Variants in AKAP6 observed in about 807,000 individuals in gnomAD.
AKAP6 encodes the protein A-kinase anchoring protein 6.
AKAP6 carries 58 observed loss-of-function variants against 188.5 expected under a neutral mutation model. The observed-to-expected ratio is 0.31, with a 90% CI of 0.25 to 0.38. AKAP6 has a LOEUF of 0.38. Among genes scored for constraint, AKAP6 ranks in the 10% least tolerant of loss-of-function variants. The pLI is 1.00. For synonymous variants in AKAP6, 989 were observed against 998.6 expected (o/e 0.99, Z 0.18); for missense variants, 2,710 against 2,740.0 (o/e 0.99, Z 0.24).
At chr14:32,607,102 G>A (rs773091930) in intron 7 of AKAP6, among the ~76,000 whole-genome samples, 3 of 152,120 alleles carry the variant, frequency 2.0e-5, no homozygotes, top group Admixed American at 1.3e-4. Flanking sequence ...TAAAGGAGTC[G>A]ATCTGGGGAG....
chr14:32,459,586 A>G (rs1891255338), intron 2 of AKAP6, among the ~76,000 whole-genome samples: 2 of 151,816 alleles, frequency 1.3e-5, no homozygotes, highest in African/African-American at 4.8e-5. Context: ...AGGCATACAT[A>G]TAAGAAAAAA....
chr14:32,339,933 T>C (rs749966695), intron 1 of AKAP6, among the ~76,000 whole-genome samples: 1 of 151,918 alleles, frequency 6.6e-6, no homozygotes, highest in Non-Finnish European at 1.5e-5. Context: ...CTAAATGTCA[T>C]ACTTTTGAAC....
intron 2 of AKAP6, among the ~76,000 whole-genome samples, chr14:32,451,071 G>T (rs1299031121): frequency 6.6e-6 from 1 of 152,070 alleles, no homozygotes; most frequent in African/African-American, 2.4e-5. Flanking sequence ...ATTGGAATTT[G>T]GAAATACTTA....
At chr14:32,732,743 T>G (rs1295861491) in intron 10 of AKAP6, 143 bp downstream of exon 10, 2 of 955,718 alleles carry the variant, frequency 2.1e-6, no homozygotes, top group African/African-American at 3.3e-5. Flanking sequence ...TTCATGCTAT[T>G]ATGGGAAAGA....
At chr14:32,412,373 G>A (rs1016555840) in intron 1 of AKAP6, among the ~76,000 whole-genome samples, 12 of 152,108 alleles carry the variant, frequency 7.9e-5, no homozygotes, top group African/African-American at 2.2e-4. Flanking sequence ...CACAATCCTT[G>A]CTTTTAAGGA....
chr14:32,370,675 A>G (rs979480543), intron 1 of AKAP6, among the ~76,000 whole-genome samples: 1 of 152,246 alleles, frequency 6.6e-6, no homozygotes, highest in African/African-American at 2.4e-5. Flanking sequence ...ACTACACTGT[A>G]AACAATGGAG....
At chr14:32,639,437 A>AT (rs1371950247) in intron 7 of AKAP6, among the ~76,000 whole-genome samples, 1 of 152,142 alleles carries the variant, frequency 6.6e-6, no homozygotes, top group Non-Finnish European at 1.5e-5. Flanking sequence ...ATGTGTCTAT[A>AT]TAGCACAACA....
At chr14:32,440,302 G>A (rs1210981096) in intron 2 of AKAP6, among the ~76,000 whole-genome samples, 1 of 151,664 alleles carries the variant, frequency 6.6e-6, no homozygotes, top group African/African-American at 2.4e-5. Flanking sequence ...GACACAGGGT[G>A]GGGAACATCA....
At chr14:32,811,241 G>GAAAAAAAAAAAAAAAAAA (rs529886144) in intron 12 of AKAP6, among the ~76,000 whole-genome samples, 1,423 of 54,618 alleles carry the variant, frequency 0.026, 50 homozygotes, top group Non-Finnish European at 0.042. Context: ...TCCGTCTCAG[G>GAAAAAAAAAAAAAAAAAA]AAAAAAAAAA....
intron 11 of AKAP6, among the ~76,000 whole-genome samples, chr14:32,761,656 C>T (rs186570674): frequency 6.6e-6 from 1 of 152,260 alleles, no homozygotes; most frequent in Non-Finnish European, 1.5e-5. Flanking sequence ...GGGTCATCAT[C>T]CTAGCTCCTG....
At chr14:32,672,888 C>A (rs928423627) in intron 7 of AKAP6, among the ~76,000 whole-genome samples, 1 of 152,194 alleles carries the variant, frequency 6.6e-6, no homozygotes, top group Non-Finnish European at 1.5e-5. Context: ...AGGCGACTAT[C>A]TTGTCATGAC....
At chr14:32,441,873 C>T (rs1890587496) in intron 2 of AKAP6, among the ~76,000 whole-genome samples, 1 of 152,120 alleles carries the variant, frequency 6.6e-6, no homozygotes, top group South Asian at 2.1e-4. Context: ...TAATACATTT[C>T]ATAAAAGGAT....
intron 7 of AKAP6, among the ~76,000 whole-genome samples, chr14:32,671,575 CTT>C (rs752798222): frequency 6.0e-5 from 9 of 150,762 alleles, no homozygotes; most frequent in Non-Finnish European, 1.0e-4. Context: ...GAAGAAAAAA[CTT>C]GATGCAGGAA....
intron 8 of AKAP6, among the ~76,000 whole-genome samples, chr14:32,679,787 A>G (rs985057398): frequency 6.6e-6 from 1 of 152,230 alleles, no homozygotes; most frequent in Non-Finnish European, 1.5e-5. Flanking sequence ...ATTTTAATAC[A>G]TGAGACATAT....
chr14:32,696,275 C>T (rs1371100778), intron 9 of AKAP6, among the ~76,000 whole-genome samples, 165 bp downstream of exon 9: 1 of 152,198 alleles, frequency 6.6e-6, no homozygotes, highest in Non-Finnish European at 1.5e-5. Context: ...TGTGTGCTGA[C>T]AGGCTGCACC....
intron 1 of AKAP6, among the ~76,000 whole-genome samples, chr14:32,378,729 AT>A (rs1425646092): frequency 1.3e-5 from 2 of 152,152 alleles, no homozygotes; most frequent in Non-Finnish European, 2.9e-5. Context: ...TTAGGATAGT[AT>A]TTTTTGTTTC....
rs2031391308 is a variant in AKAP6 at position 32,735,756 on chromosome 14, G to A, written c.3246G>A (p.Gln1082=). The A allele has an allele frequency of 6.2e-7, 1 of 1,613,576 alleles. No homozygotes were observed. Among genetic ancestry groups the A allele is most frequent in the Non-Finnish European group, 8.5e-7 (1 of 1,179,766 alleles). Residue 1082 remains glutamine (Q), a synonymous_variant, in exon 11 of 14, where the codon CAG becomes CAA. Coordinates refer to ENST00000280979, the MANE Select transcript of AKAP6 (RefSeq NM_004274.5). ...CTGAAAGTGGAAGCCTGGTAAGGCA[G>A]CTGGAGGTCAGGATCAAAGAACTGA... The part of the protein sequence containing the change: ...LSPESGSLVR[Q]LEVRIKELKG...
At chr14:32,510,415 TATATATATAC>T (rs1183294491) in intron 2 of AKAP6, among the ~76,000 whole-genome samples, 11 of 54,814 alleles carry the variant, frequency 2.0e-4, no homozygotes, top group African/African-American at 7.3e-4. Context: ...TATATATATG[TATATATATAC>T]ATATATATAT....
intron 11 of AKAP6, among the ~76,000 whole-genome samples, 176 bp downstream of exon 11, chr14:32,736,058 G>T (rs1230350576): frequency 6.6e-6 from 1 of 152,088 alleles, no homozygotes; most frequent in Non-Finnish European, 1.5e-5. Context: ...GTATAAAGAT[G>T]AACATTAAGC....
Sources: allele counts gnomAD v4.1 joint callset (sites outside exome capture counted in the v4.1 genomes callset), GRCh38; gene constraint gnomAD v4.1.1; transcripts MANE v1.5; gene names NCBI Gene and HGNC (gene_info 2026-07-23, HGNC 2026-07-21).